Variants in VWA5A observed in about 807,000 individuals in gnomAD.
VWA5A encodes von Willebrand factor A domain-containing protein 5A.
In VWA5A, 77 loss-of-function variants were observed where a neutral mutation model predicts 84.6. That is an observed-to-expected ratio of 0.91 (90% CI 0.76 to 1.10). The LOEUF is 1.10. VWA5A is among the 50% of genes least tolerant of loss of function. VWA5A has a pLI of 0.00. For missense variants in VWA5A, 973 were observed against 963.0 expected (o/e 1.01, Z -0.14); for synonymous variants, 334 against 350.1 (o/e 0.95, Z 0.51).
chr11:124,128,227 A>G (rs910809960), intron 11 of VWA5A, among the ~76,000 whole-genome samples: 7 of 152,228 alleles, frequency 4.6e-5, no homozygotes, highest in Non-Finnish European at 1.0e-4. Context: ...AGTTTTCTGC[A>G]TATGGCTAGC....
intron 7 of VWA5A, 71 bp from the exon 8 acceptor site, chr11:124,122,889 C>T: frequency 6.9e-7 from 1 of 1,443,882 alleles, no homozygotes; most frequent in Non-Finnish European, 9.4e-7. Context: ...GAATTCACTA[C>T]CATTGATTCT....
intron 15 of VWA5A, among the ~76,000 whole-genome samples, chr11:124,138,524 A>G (rs1860659415): frequency 6.6e-6 from 1 of 151,962 alleles, no homozygotes; most frequent in Non-Finnish European, 1.5e-5. Flanking sequence ...TTGATTTGCA[A>G]TTTCCTGATG....
At chr11:124,122,855 T>G (rs888063731) in intron 7 of VWA5A, 105 bp from the exon 8 acceptor site, 5 of 1,167,350 alleles carry the variant, frequency 4.3e-6, no homozygotes, top group African/African-American at 1.5e-5. Context: ...GTGTTTTAGA[T>G]TTGAGTTTTC....
Position 124,137,103 on chromosome 11 carries a change from G to A in VWA5A, c.1714G>A (p.Ala572Thr), listed in dbSNP as rs758008055. Residue 572 changes from alanine to threonine, a missense_variant, in exon 15 of 19, where the codon GCA (alanine) becomes ACA (threonine). By Grantham distance (58) the Ala-to-Thr change is moderately conservative. Transcript: ENST00000456829. ...RETPASDKKD[A>T]LNLSLESGVI... is the part of the protein sequence containing the mutation. The stretch of plus-strand genomic sequence containing the variant: ...GACTCCAGCAAGTGATAAAAAAGAT[G>A]CATTGAACCTTAGCCTTGAGTCTGG... 14 of 1,613,740 alleles carry A rather than the reference G, an allele frequency of 8.7e-6. No homozygotes were observed. The highest frequency in any genetic ancestry group is 2.2e-5 in the East Asian group (1 of 44,824).
rs774711595 is a variant in VWA5A at position 124,134,978 on chromosome 11, C to T, written c.1303C>T (p.Arg435Trp). The change falls in exon 12 of 19, where the codon CGG becomes TGG. Residue 435 changes from arginine (R) to tryptophan (W), a missense_variant. Transcript: ENST00000456829. Reference sequence around the variant, plus strand: ...CACCAGCCTAATAAAAGGTATTGCCCGGGCATCAGGGGGCACCTCAGAATT... The same window carrying T: ...CACCAGCCTAATAAAAGGTATTGCCTGGGCATCAGGGGGCACCTCAGAATT... Reference protein sequence around the residue: ...TSTSLIKGIARASGGTSEFIT... With the variant: ...TSTSLIKGIAWASGGTSEFIT... 8.1e-6 allele frequency: 13 copies of T among 1,613,462 alleles called. No homozygotes were observed. The highest frequency in any genetic ancestry group is 1.3e-5 in the African/African-American group (1 of 74,880).
rs1186445792 is a variant in VWA5A at position 124,142,492 on chromosome 11, G to A, written c.2074G>A (p.Gly692Ser). The A allele has an allele frequency of 1.2e-6, 2 of 1,614,036 alleles. No homozygotes were observed. The highest frequency in any genetic ancestry group is 1.3e-5 in the African/African-American group (1 of 74,918). Reference sequence around the variant, plus strand: ...GCTGATTTACCACCAAAATGCAAATGGTTCCTGGGATCTGAATGAAGATCT... The same window carrying A: ...GCTGATTTACCACCAAAATGCAAATAGTTCCTGGGATCTGAATGAAGATCT... ...VQLIYHQNAN[G>S]SWDLNEDLAK... is the part of the protein sequence containing the mutation. Residue 692 changes from glycine to serine, a missense_variant, in exon 17 of 19, where the codon GGT becomes AGT. By Grantham distance (56) the Gly-to-Ser change is moderately conservative. Transcript: ENST00000456829.
chr11:124,142,780 G>A (rs1034996208), intron 17 of VWA5A, among the ~76,000 whole-genome samples: 5 of 152,104 alleles, frequency 3.3e-5, no homozygotes, highest in South Asian at 2.1e-4. Flanking sequence ...GGAATTGATG[G>A]GGTTTTTTTT....
At position 124,142,683 on chromosome 11, in the gene VWA5A, C is replaced by A. The variant is rs1430895486; in HGVS notation, c.2154+111C>A. ...GAAGGAAAATATAGGGGGTCATAGA[C>A]TAAATTAATTTGTAATAAATAGAGG... On this transcript the variant is annotated intron_variant, in intron 17 of 18. Coordinates refer to ENST00000456829, the MANE Select transcript of VWA5A (RefSeq NM_001130142.2). 131 of 1,396,394 alleles carry A rather than the reference C, an allele frequency of 9.4e-5. 1 individual carries two copies. Among genetic ancestry groups the A allele is most frequent in the Non-Finnish European group, 1.1e-4 (118 of 1,033,276 alleles). The allele number at this position is 1,396,394 out of a possible 1,614,324, so 86.5% of individuals were successfully genotyped here. A position where few individuals can be genotyped will look rare whatever the true frequency, so the allele number is the denominator to read the frequency against.
At chr11:124,133,611 AT>A (rs947180687) in intron 11 of VWA5A, among the ~76,000 whole-genome samples, 8 of 152,154 alleles carry the variant, frequency 5.3e-5, no homozygotes, top group African/African-American at 1.9e-4. Context: ...AGGGTGTTAT[AT>A]TTTAAGTCAG....
At chr11:124,134,355 C>T (rs754732931) in intron 11 of VWA5A, among the ~76,000 whole-genome samples, 11 of 152,176 alleles carry the variant, frequency 7.2e-5, no homozygotes, top group Non-Finnish European at 1.5e-4. Flanking sequence ...GCTAGTACTA[C>T]CAATGTATTC....
At chr11:124,132,590 C>T (rs1201139476) in intron 11 of VWA5A, among the ~76,000 whole-genome samples, 6 of 151,930 alleles carry the variant, frequency 3.9e-5, no homozygotes, top group African/African-American at 1.2e-4. Flanking sequence ...GAATATATAG[C>T]GATATTACCT....
At chr11:124,124,185 T>G in intron 10 of VWA5A, 52 bp from the exon 11 acceptor site, 1 of 1,572,936 alleles carries the variant, frequency 6.4e-7, no homozygotes, top group Non-Finnish European at 8.7e-7. Flanking sequence ...AATTCTGGTT[T>G]CTTAAAAAGA....
At chr11:124,133,492 G>C (rs1865128229) in intron 11 of VWA5A, among the ~76,000 whole-genome samples, 2 of 152,138 alleles carry the variant, frequency 1.3e-5, no homozygotes. Context: ...TATCTTGGTA[G>C]ACCTTTGATG....
At position 124,131,528 on chromosome 11, in the gene VWA5A, T is replaced by C. The variant is rs115521928; in HGVS notation, c.1245-3392T>C. 8.9e-3 allele frequency among the ~76,000 whole-genome samples: 1,352 copies of C among 152,188 alleles called. 18 individuals are homozygous for C. The highest frequency in any genetic ancestry group is 0.031 in the African/African-American group (1,271 of 41,556). On this transcript the variant is annotated intron_variant, in intron 11 of 18. Coordinates refer to ENST00000456829, the MANE Select transcript of VWA5A (RefSeq NM_001130142.2). ...ATAATTCTCTGTGTAGAGGGCTTCATGCATTTTTTTATTAAATTGTTTCCC... is the reference window on the plus strand; with the variant it reads ...ATAATTCTCTGTGTAGAGGGCTTCACGCATTTTTTTATTAAATTGTTTCCC...
At chr11:124,128,789 T>C (rs978130437) in intron 11 of VWA5A, among the ~76,000 whole-genome samples, 5 of 152,214 alleles carry the variant, frequency 3.3e-5, no homozygotes, top group Non-Finnish European at 5.9e-5. Context: ...GTTTGTCTAT[T>C]ATTGGTGTAT....
rs577764033 is a variant in VWA5A, at chr11:124,137,232, G to T, written c.1843G>T (p.Gly615Cys). The change falls in exon 15 of 19, where the codon GGT becomes TGT. Residue 615 changes from glycine to cysteine, a missense_variant. By Grantham distance (159) the Gly-to-Cys change is radical. Coordinates refer to ENST00000456829, the MANE Select transcript of VWA5A (RefSeq NM_001130142.2). ...GGACGTCCCAAGGCCAATTCTGTTG[G>T]GTGCTTCTGCCCCATTGAAGATAAA... The part of the protein sequence containing the change: ...HRDVPRPILL[G>C]ASAPLKIKCQ... 1.3e-5 allele frequency: 21 copies of T among 1,614,098 alleles called. 2 individuals are homozygous for T. The African/African-American group carries it at 1.7e-4, about 13-fold the overall frequency.
intron 13 of VWA5A, 96 bp from the exon 14 acceptor site, chr11:124,136,478 C>A: frequency 7.0e-7 from 1 of 1,432,994 alleles, no homozygotes; most frequent in Non-Finnish European, 9.7e-7. Flanking sequence ...CAGATATTTT[C>A]ATACATTGTT....
intron 17 of VWA5A, among the ~76,000 whole-genome samples, chr11:124,142,888 T>C (rs1055823809): frequency 3.3e-5 from 5 of 152,238 alleles, no homozygotes; most frequent in Non-Finnish European, 7.3e-5. Flanking sequence ...AGTGAGCAAT[T>C]ACTCTGTGCC....
At position 124,118,411 on chromosome 11, in the gene VWA5A, G is replaced by T. The variant is rs1565613983; in HGVS notation, c.469G>T (p.Gly157Trp). The change falls in exon 5 of 19, where the codon GGG (glycine) becomes TGG (tryptophan). Residue 157 changes from glycine (G) to tryptophan (W), a missense_variant and splice_region_variant. Transcript: ENST00000456829. ...AVLNPRYQFS[G>W]SSKDSCLNVK... ...CCTGAATCCTAGATACCAGTTCTCT[G>T]GTGAGTACCTCTCCCCTTTGAATTC... The T allele has an allele frequency of 1.2e-6, 2 of 1,614,122 alleles. No individual in the cohort carries two copies. The highest frequency in any genetic ancestry group is 1.7e-6 in the Non-Finnish European group (2 of 1,179,978).
Sources: allele counts gnomAD v4.1 joint callset (sites outside exome capture counted in the v4.1 genomes callset), GRCh38; gene constraint gnomAD v4.1.1; transcripts MANE v1.5; gene names NCBI Gene and HGNC (gene_info 2026-07-23, HGNC 2026-07-21).